The following SSBP3 variants were observed in gnomAD, a reference collection of about 807,000 sequenced individuals.
The protein encoded by SSBP3 is single-stranded DNA-binding protein 3.
A neutral mutation model predicts 69.6 loss-of-function variants in SSBP3; 5 were observed. That is an observed-to-expected ratio of 0.07 (90% CI 0.04 to 0.15). SSBP3 has a LOEUF of 0.15. Among genes scored for constraint, SSBP3 ranks in the 10% least tolerant of loss-of-function variants. The pLI, the probability that SSBP3 is intolerant of heterozygous loss-of-function variation, is 1.00. For missense variants in SSBP3, 312 were observed against 534.0 expected (o/e 0.58, Z 4.10); for synonymous variants, 196 against 193.4 (o/e 1.01, Z -0.11).
At chr1:54,317,924 CCTGG>C (rs1646143633) in intron 4 of SSBP3, among the ~76,000 whole-genome samples, 2 of 152,168 alleles carry the variant, frequency 1.3e-5, no homozygotes, top group Admixed American at 6.5e-5. Context: ...TGCCACCACG[CCTGG>C]CTAATTTTTT....
intron 4 of SSBP3, among the ~76,000 whole-genome samples, chr1:54,306,755 G>A (rs1645908327): frequency 6.6e-6 from 1 of 151,920 alleles, no homozygotes; most frequent in Non-Finnish European, 1.5e-5. Flanking sequence ...ATAATTCCAG[G>A]AGTTCGAAAC....
chr1:54,371,547 T>G (rs1647133916), intron 4 of SSBP3, among the ~76,000 whole-genome samples: 1 of 152,204 alleles, frequency 6.6e-6, no homozygotes, highest in Admixed American at 6.5e-5. Flanking sequence ...TCAGTGTGTC[T>G]GCAATGATGG....
chr1:54,410,471 G>A (rs944015200), upstream of SSBP3, among the ~76,000 whole-genome samples: 2 of 152,236 alleles, frequency 1.3e-5, no homozygotes, highest in African/African-American at 4.8e-5. Context: ...CTGCTAGGAG[G>A]ATGGATGCAA....
chr1:54,291,723 A>G (rs1242943231), intron 4 of SSBP3, among the ~76,000 whole-genome samples: 2 of 152,234 alleles, frequency 1.3e-5, no homozygotes, highest in African/African-American at 2.4e-5. Flanking sequence ...TTAGCAAATA[A>G]AGAATGATGT....
At chr1:54,274,646 C>T (rs1423820474) in intron 5 of SSBP3, among the ~76,000 whole-genome samples, 1 of 152,258 alleles carries the variant, frequency 6.6e-6, no homozygotes, top group Middle Eastern at 3.4e-3. Flanking sequence ...CTCACCCAGC[C>T]GCCACTCCTG....
chr1:54,240,913 C>G (rs1257320520), exon 13 of SSBP3: 7 of 1,612,734 alleles, frequency 4.3e-6, no homozygotes, highest in Non-Finnish European at 5.9e-6. Context: ...ACCTGCGGGA[C>G]TGGGCATAAT....
chr1:54,232,669 TCTCAG>T (rs921311810), intron 14 of SSBP3, among the ~76,000 whole-genome samples: 4 of 150,838 alleles, frequency 2.7e-5, no homozygotes, highest in African/African-American at 9.7e-5. Flanking sequence ...ACTGCTGCCA[TCTCAG>T]CTCACTGCAA....
At chr1:54,235,273 GTTTTTTTTTT>G (rs200538399) in intron 14 of SSBP3, among the ~76,000 whole-genome samples, 5 of 112,034 alleles carry the variant, frequency 4.5e-5, no homozygotes, top group Admixed American at 2.0e-4. Context: ...AAGATGTCCA[GTTTTTTTTTT>G]TTTTTTTTTT....
intron 4 of SSBP3, among the ~76,000 whole-genome samples, chr1:54,312,989 T>G (rs1646030618): frequency 7.0e-6 from 1 of 142,944 alleles, no homozygotes; most frequent in African/African-American, 2.6e-5. Flanking sequence ...GCAGGGGAGG[T>G]GGCCCTGAGC....
At chr1:54,287,366 C>G (rs547912853) in intron 4 of SSBP3, 1 of 152,274 alleles carries the variant, frequency 6.6e-6, no homozygotes, top group African/African-American at 2.4e-5. Flanking sequence ...CATGTGCAGA[C>G]GACTTCCTTG....
chr1:54,405,648 G>A (rs1209426860), intron 1 of SSBP3: 1 of 155,564 alleles, frequency 6.4e-6, no homozygotes, highest in African/African-American at 2.4e-5. Context: ...TCGCTGGCGG[G>A]ACCTCGCCCA....
At chr1:54,317,165 A>C (rs1646129310) in intron 4 of SSBP3, among the ~76,000 whole-genome samples, 1 of 152,244 alleles carries the variant, frequency 6.6e-6, no homozygotes, top group South Asian at 2.1e-4. Flanking sequence ...GAGGACAGGA[A>C]GGAATCGCCA....
chr1:54,367,036 G>A (rs1647039565), intron 4 of SSBP3, among the ~76,000 whole-genome samples: 1 of 152,166 alleles, frequency 6.6e-6, no homozygotes, highest in Non-Finnish European at 1.5e-5. Context: ...GGTTCTCATG[G>A]GGATCACCTG....
intron 4 of SSBP3, among the ~76,000 whole-genome samples, chr1:54,295,208 G>A (rs931383483): frequency 3.3e-5 from 5 of 152,046 alleles, no homozygotes; most frequent in Non-Finnish European, 4.4e-5. Flanking sequence ...AGGGCCCCCC[G>A]GCCGCATCCC....
At chr1:54,338,633 A>G (rs975513585) in intron 4 of SSBP3, among the ~76,000 whole-genome samples, 15 of 152,212 alleles carry the variant, frequency 9.9e-5, no homozygotes, top group African/African-American at 3.6e-4. Flanking sequence ...TTCCATACAT[A>G]CCCAGGCAGC....
intron 4 of SSBP3, among the ~76,000 whole-genome samples, chr1:54,401,637 A>C (rs1309132249): frequency 6.6e-6 from 1 of 152,228 alleles, no homozygotes; most frequent in African/African-American, 2.4e-5. Flanking sequence ...ATATCTACAC[A>C]ATTTTGCACA....
chr1:54,366,855 T>C (rs1647036332), intron 4 of SSBP3, among the ~76,000 whole-genome samples: 1 of 152,350 alleles, frequency 6.6e-6, no homozygotes, highest in Admixed American at 6.5e-5. Context: ...TCAATCTTCC[T>C]GGACCGAAAG....
chr1:54,289,082 A>G (rs1208531240), intron 4 of SSBP3, among the ~76,000 whole-genome samples: 3 of 55,758 alleles, frequency 5.4e-5, no homozygotes, highest in South Asian at 4.6e-4. Flanking sequence ...TCACCCCTGT[A>G]GTTCCCAGGA....
chr1:54,395,021 T>A lies in SSBP3; in HGVS notation c.276+6840A>T, dbSNP rs113856399. On this transcript the variant is annotated intron_variant, in intron 4 of 17. Transcript: ENST00000610401. The stretch of plus-strand genomic sequence containing the variant: ...CCCGGCTAAGACTCCTTTTTTTTTT[T>A]TTATTGTATGTGGGAATCGCCTTTG... Among the ~76,000 whole-genome samples the A allele has an allele frequency of 3.9e-3, 586 of 152,034 alleles. 20 individuals are homozygous for A. In the South Asian group the frequency reaches 0.041, roughly 11 times the overall value.
Sources: gnomAD v4.1 joint callset for allele counts (sites outside exome capture counted in the v4.1 genomes callset) on GRCh38, gnomAD v4.1.1 for gene constraint, MANE v1.5 for transcripts, NCBI Gene and HGNC (gene_info 2026-07-23, HGNC 2026-07-21) for gene names.